The following RAD51B variants were observed in gnomAD, a reference collection of about 807,000 sequenced individuals.
RAD51B encodes RAD51 paralog B, also known as DNA repair protein RAD51 homolog 2.
Under a neutral mutation model 42.2 loss-of-function variants are expected in RAD51B, and 38 were observed. The ratio of observed to expected loss-of-function variants is 0.90; its 90% CI spans 0.70 to 1.18. The LOEUF is 1.18. Among genes scored for constraint, RAD51B ranks in the 50% most tolerant of loss-of-function variants. RAD51B has a pLI of 0.00. For missense variants in RAD51B, 373 were observed against 400.7 expected (o/e 0.93, Z 0.59); for synonymous variants, 154 against 145.2 (o/e 1.06, Z -0.43).
intron 10 of RAD51B, among the ~76,000 whole-genome samples, chr14:68,485,925 T>C (rs1883589183): frequency 6.6e-6 from 1 of 152,224 alleles, no homozygotes; most frequent in African/African-American, 2.4e-5. Context: ...AGAGAAATTG[T>C]GCTTTATATG....
intron 7 of RAD51B, among the ~76,000 whole-genome samples, chr14:68,019,287 T>C (rs2075825755): frequency 6.6e-6 from 1 of 152,198 alleles, no homozygotes; most frequent in Non-Finnish European, 1.5e-5. Flanking sequence ...TTCAGAATGC[T>C]AGAATGGTGG....
At chr14:68,391,582 A>G (rs1421578961) in intron 8 of RAD51B, among the ~76,000 whole-genome samples, 1 of 152,166 alleles carries the variant, frequency 6.6e-6, no homozygotes, top group African/African-American at 2.4e-5. Flanking sequence ...GATGGAATAG[A>G]GCTTACAACC....
intron 7 of RAD51B, among the ~76,000 whole-genome samples, chr14:68,081,692 G>T (rs1330972045): frequency 6.6e-6 from 1 of 152,118 alleles, no homozygotes; most frequent in Non-Finnish European, 1.5e-5. Flanking sequence ...TGTCCCCGTC[G>T]CAGGGCATGC....
chr14:67,983,118 C>T (rs1002125925), intron 7 of RAD51B, among the ~76,000 whole-genome samples: 3 of 152,080 alleles, frequency 2.0e-5, no homozygotes, highest in Admixed American at 2.0e-4. Context: ...TTAAATGACT[C>T]ATTTACAGCA....
At chr14:68,296,847 A>G (rs988545906) in intron 8 of RAD51B, among the ~76,000 whole-genome samples, 3 of 152,208 alleles carry the variant, frequency 2.0e-5, no homozygotes, top group East Asian at 1.9e-4. Flanking sequence ...TGTTTTCTGC[A>G]TTACTTGTTT....
intron 9 of RAD51B, among the ~76,000 whole-genome samples, chr14:68,434,078 G>A (rs1490069255): frequency 6.6e-6 from 1 of 152,192 alleles, no homozygotes; most frequent in Non-Finnish European, 1.5e-5. Context: ...AACAGCAAAT[G>A]TTGCTGCCTC....
intron 4 of RAD51B, among the ~76,000 whole-genome samples, chr14:67,860,572 T>C (rs1595017375): frequency 6.6e-6 from 1 of 152,198 alleles, no homozygotes; most frequent in East Asian, 1.9e-4. Context: ...TGTTAAATTC[T>C]AGTTAATGCT....
chr14:68,486,098 G>C (rs907252136), intron 10 of RAD51B, among the ~76,000 whole-genome samples: 1 of 152,200 alleles, frequency 6.6e-6, no homozygotes, highest in African/African-American at 2.4e-5. Flanking sequence ...TATTTTTAGT[G>C]GACGTGAGTC....
chr14:68,351,087 G>T (rs2082777362), intron 8 of RAD51B, among the ~76,000 whole-genome samples: 1 of 152,168 alleles, frequency 6.6e-6, no homozygotes, highest in Admixed American at 6.5e-5. Flanking sequence ...CAGTGGCAGT[G>T]GTAGGATACA....
intron 10 of RAD51B, among the ~76,000 whole-genome samples, chr14:68,555,503 AC>A (rs1888796504): frequency 6.6e-6 from 1 of 152,076 alleles, no homozygotes; most frequent in Admixed American, 6.6e-5. Flanking sequence ...GTGGGCAGAA[AC>A]TGGAAACAGG....
chr14:68,388,097 T>A lies in RAD51B; in HGVS notation c.854-23327T>A, dbSNP rs1474537245. Among the ~76,000 whole-genome samples, 1,254 of 144,430 alleles carry A rather than the reference T, an allele frequency of 8.7e-3. 8 individuals are homozygous for A. The highest frequency in any genetic ancestry group is 0.021 in the African/African-American group (806 of 38,096). The allele number at this position is 144,430 out of a possible 152,430, so 94.8% of individuals were successfully genotyped here. Reference sequence around the variant, plus strand: ...GTGTGTGTATATATATATATATATTTTTTTTTTTTTTTAATTGAGGCAGCC... The same window carrying A: ...GTGTGTGTATATATATATATATATTATTTTTTTTTTTTAATTGAGGCAGCC... On this transcript the variant is annotated intron_variant, in intron 8 of 10. Coordinates refer to ENST00000471583, the MANE Select transcript of RAD51B (RefSeq NM_133510.4).
chr14:67,959,403 C>T (rs749757965), intron 7 of RAD51B, among the ~76,000 whole-genome samples: 99 of 152,164 alleles, frequency 6.5e-4, no homozygotes, highest in African/African-American at 1.8e-3. Flanking sequence ...CCCGCCACCA[C>T]GCCTGGCTAA....
At chr14:68,341,619 C>T (rs938611589) in intron 8 of RAD51B, among the ~76,000 whole-genome samples, 1 of 152,176 alleles carries the variant, frequency 6.6e-6, no homozygotes, top group African/African-American at 2.4e-5. Context: ...TGCTTTCCTC[C>T]TGTTGGTTTC....
intron 8 of RAD51B, among the ~76,000 whole-genome samples, chr14:68,381,441 C>T (rs1051546185): frequency 1.2e-4 from 18 of 151,976 alleles, no homozygotes; most frequent in African/African-American, 3.9e-4. Context: ...TTTGGGAGGC[C>T]GAGGCAGGCA....
chr14:68,008,608 A>T (rs2075630880), intron 7 of RAD51B, among the ~76,000 whole-genome samples: 1 of 152,010 alleles, frequency 6.6e-6, no homozygotes, highest in Non-Finnish European at 1.5e-5. Flanking sequence ...AATAAGATAG[A>T]TTAAATGGAT....
In RAD51B at chr14:68,520,932, A is replaced by G. The variant is rs535721463; in HGVS notation, c.1036+52682A>G. The stretch of plus-strand genomic sequence containing the variant: ...GGTTGACTGCATCAAGAACATGTCC[A>G]TGGAGACCAGGCTGATGGAGTTTTT... On this transcript the variant is annotated intron_variant, in intron 10 of 10. Coordinates refer to the RAD51B transcript ENST00000487270. Among the ~76,000 whole-genome samples, 54 of 152,384 alleles carry G rather than the reference A, an allele frequency of 3.5e-4. No homozygotes were observed. In the South Asian group the frequency reaches 0.011, roughly 30 times the overall value.
chr14:67,974,908 A>G (rs1422944300), intron 7 of RAD51B, among the ~76,000 whole-genome samples: 1 of 152,164 alleles, frequency 6.6e-6, no homozygotes, highest in Non-Finnish European at 1.5e-5. Context: ...CCTCTTTTAT[A>G]TGTGATACTG....
chr14:68,409,918 C>T (rs983517525), intron 8 of RAD51B, among the ~76,000 whole-genome samples: 10 of 152,196 alleles, frequency 6.6e-5, no homozygotes, highest in Non-Finnish European at 1.3e-4. Flanking sequence ...TTCTTTCTTA[C>T]ACTAAATTCT....
intron 4 of RAD51B, among the ~76,000 whole-genome samples, chr14:67,845,640 C>A (rs2041586478): frequency 6.6e-6 from 1 of 152,044 alleles, no homozygotes; most frequent in African/African-American, 2.4e-5. Flanking sequence ...TGCACTCCAG[C>A]CTGGGTGACA....
Sources: gnomAD v4.1 joint callset for allele counts (sites outside exome capture counted in the v4.1 genomes callset) on GRCh38, gnomAD v4.1.1 for gene constraint, MANE v1.5 for transcripts, NCBI Gene and HGNC (gene_info 2026-07-23, HGNC 2026-07-21) for gene names.